The following PPP1R9A variants were observed in gnomAD, a reference collection of about 807,000 sequenced individuals.
PPP1R9A encodes the protein neurabin-1.
A neutral mutation model predicts 141.9 loss-of-function variants in PPP1R9A; 59 were observed. The ratio of observed to expected loss-of-function variants is 0.42; its 90% CI spans 0.34 to 0.52. PPP1R9A has a LOEUF of 0.52. PPP1R9A is among the 20% of genes least tolerant of loss of function. PPP1R9A has a pLI of 0.10. For missense variants in PPP1R9A, 1,444 were observed against 1,611.9 expected (o/e 0.90, Z 1.78); for synonymous variants, 500 against 569.7 (o/e 0.88, Z 1.74).
At chr7:94,983,248 T>C (rs1800354099) in intron 2 of PPP1R9A, among the ~76,000 whole-genome samples, 1 of 152,194 alleles carries the variant, frequency 6.6e-6, no homozygotes, top group Admixed American at 6.5e-5. Context: ...TAGTATAGTT[T>C]GAAGTCAGGT....
intron 2 of PPP1R9A, among the ~76,000 whole-genome samples, chr7:95,086,502 T>C (rs1816649809): frequency 6.6e-6 from 1 of 152,068 alleles, no homozygotes; most frequent in Non-Finnish European, 1.5e-5. Flanking sequence ...TGTTGCCTTT[T>C]TATTGCCAAA....
chr7:95,082,333 A>G (rs956474279), intron 2 of PPP1R9A, among the ~76,000 whole-genome samples: 1 of 151,160 alleles, frequency 6.6e-6, no homozygotes, highest in Admixed American at 6.6e-5. Flanking sequence ...AGCTGTGAGC[A>G]TGCTCGGAAA....
chr7:95,079,107 G>A (rs961720645), intron 2 of PPP1R9A, among the ~76,000 whole-genome samples: 1 of 152,170 alleles, frequency 6.6e-6, no homozygotes, highest in African/African-American at 2.4e-5. Flanking sequence ...GCGTATTTAT[G>A]GTTTTAGGTC....
At position 95,262,553 on chromosome 7, in the gene PPP1R9A, A is replaced by G. The variant is rs566316791; in HGVS notation, c.2666-5997A>G. ...ACTGGTAGTCACTGCCTTTCCAGGT[A>G]GTCTAGCGGTATTACTGAAGAGTTG... On this transcript the variant is annotated intron_variant, in intron 12 of 19. Coordinates refer to ENST00000433360, the MANE Select transcript of PPP1R9A (RefSeq NM_001166160.2). 3.9e-5 allele frequency among the ~76,000 whole-genome samples: 6 copies of G among 152,302 alleles called. 1 individual carries two copies. The highest frequency in any genetic ancestry group is 1.4e-4 in the African/African-American group (6 of 41,558).
intron 5 of PPP1R9A, among the ~76,000 whole-genome samples, chr7:95,188,195 A>G (rs1343881177): frequency 6.6e-6 from 1 of 152,034 alleles, no homozygotes; most frequent in Non-Finnish European, 1.5e-5. Context: ...TAGGATTGTG[A>G]TATTTTCCTG....
chr7:95,089,421 A>AT (rs1817039030), intron 2 of PPP1R9A, among the ~76,000 whole-genome samples: 1 of 152,034 alleles, frequency 6.6e-6, no homozygotes, highest in Admixed American at 6.6e-5. Flanking sequence ...TGTATCTGGA[A>AT]TTTTTTTCTA....
At chr7:95,197,507 C>T (rs1327776894) in intron 5 of PPP1R9A, among the ~76,000 whole-genome samples, 1 of 152,076 alleles carries the variant, frequency 6.6e-6, no homozygotes, top group Non-Finnish European at 1.5e-5. Flanking sequence ...TATCTTTCCC[C>T]CCAAAGGAAG....
intron 2 of PPP1R9A, among the ~76,000 whole-genome samples, chr7:94,954,598 T>C (rs1174891508): frequency 6.6e-6 from 1 of 151,872 alleles, no homozygotes; most frequent in Non-Finnish European, 1.5e-5. Context: ...ATTCAGACTT[T>C]TAAAGATAAC....
chr7:94,965,731 A>G (rs1464881178), intron 2 of PPP1R9A, among the ~76,000 whole-genome samples: 1 of 151,302 alleles, frequency 6.6e-6, no homozygotes, highest in African/African-American at 2.4e-5. Context: ...GCCTTGTAGT[A>G]TAGTTTGAAG....
intron 2 of PPP1R9A, among the ~76,000 whole-genome samples, chr7:95,026,088 A>G (rs1209467585): frequency 6.6e-6 from 1 of 152,116 alleles, no homozygotes; most frequent in Non-Finnish European, 1.5e-5. Context: ...CAGTTTGTCA[A>G]ACTCATTCTC....
chr7:95,107,497 C>G (rs1231067812), intron 2 of PPP1R9A, among the ~76,000 whole-genome samples: 3 of 151,952 alleles, frequency 2.0e-5, no homozygotes, highest in Non-Finnish European at 2.9e-5. Context: ...TCTTTTGGCA[C>G]TTTTTATATA....
intron 2 of PPP1R9A, among the ~76,000 whole-genome samples, chr7:95,076,949 C>T (rs771166372): frequency 2.6e-5 from 4 of 151,994 alleles, no homozygotes; most frequent in Non-Finnish European, 5.9e-5. Flanking sequence ...TTCTTTCCAA[C>T]GTTTATGCCT....
intron 2 of PPP1R9A, among the ~76,000 whole-genome samples, chr7:94,932,362 T>A (rs1379062797): frequency 6.6e-6 from 1 of 152,230 alleles, no homozygotes; most frequent in Non-Finnish European, 1.5e-5. Context: ...ATGATCTATC[T>A]AGATAAAACA....
intron 2 of PPP1R9A, among the ~76,000 whole-genome samples, chr7:94,914,997 A>AT (rs150294248): frequency 0.032 from 4,879 of 151,276 alleles, 223 homozygotes; most frequent in African/African-American, 0.1. Flanking sequence ...TTGGATTGGT[A>AT]TTTTTTTTTC....
intron 2 of PPP1R9A, among the ~76,000 whole-genome samples, chr7:95,001,896 G>C (rs1410078697): frequency 6.6e-6 from 1 of 152,176 alleles, no homozygotes; most frequent in Non-Finnish European, 1.5e-5. Flanking sequence ...CTCTTCCTGA[G>C]ATGCTTTAAT....
In PPP1R9A at chr7:95,189,493, G is replaced by A. The variant is rs572493384; in HGVS notation, c.1755-8856G>A. 2.9e-5 allele frequency among the ~76,000 whole-genome samples: 4 copies of A among 138,786 alleles called. No homozygotes were observed. In the South Asian group the frequency reaches 9.1e-4, roughly 32 times the overall value. 91.0% of individuals were successfully genotyped at this position (138,786 alleles called of 152,430 possible). A position where few individuals can be genotyped will look rare whatever the true frequency, so the allele number is the denominator to read the frequency against. On this transcript the variant is annotated intron_variant, in intron 5 of 19. Coordinates refer to ENST00000433360, the MANE Select transcript of PPP1R9A (RefSeq NM_001166160.2). ...GCTCTGTCGCCCAGGCTGGAGTGCAGTGGCGGGATCTCGGCTCACTGCAAG... is the reference window on the plus strand; with the variant it reads ...GCTCTGTCGCCCAGGCTGGAGTGCAATGGCGGGATCTCGGCTCACTGCAAG...
At chr7:95,203,868 A>G (rs1790126942) in intron 7 of PPP1R9A, 138 bp downstream of exon 7, 1 of 559,704 alleles carries the variant, frequency 1.8e-6, no homozygotes, top group South Asian at 3.0e-5. Context: ...GCATTGAATA[A>G]TAGTTTGAAA....
intron 2 of PPP1R9A, among the ~76,000 whole-genome samples, chr7:95,071,715 A>T (rs1813840398): frequency 6.6e-6 from 1 of 151,970 alleles, no homozygotes; most frequent in Admixed American, 6.6e-5. Context: ...TTAAATCTGT[A>T]TTATTTAATG....
At chr7:94,919,423 G>C (rs1792511478) in intron 2 of PPP1R9A, among the ~76,000 whole-genome samples, 1 of 151,590 alleles carries the variant, frequency 6.6e-6, no homozygotes, top group African/African-American at 2.4e-5. Flanking sequence ...GGGATTGTAG[G>C]TGTGAGCCAC....
Sources: allele counts gnomAD v4.1 joint callset (sites outside exome capture counted in the v4.1 genomes callset), GRCh38; gene constraint gnomAD v4.1.1; transcripts MANE v1.5; gene names NCBI Gene and HGNC (gene_info 2026-07-23, HGNC 2026-07-21).